Variants in TCF25 observed in about 807,000 individuals in gnomAD.
The protein encoded by TCF25 is TCF25 ribosome quality control complex subunit.
Under a neutral mutation model 83.1 loss-of-function variants are expected in TCF25, and 41 were observed. The observed-to-expected ratio is 0.49, with a 90% CI of 0.38 to 0.64. The LOEUF is 0.64. Ranked by LOEUF, TCF25 falls within the 30% of genes least tolerant of loss-of-function variation. The pLI is 0.00. For missense variants in TCF25, 979 were observed against 914.5 expected (o/e 1.07, Z -0.91); for synonymous variants, 458 against 365.0 (o/e 1.25, Z -2.90).
intron 17 of TCF25, 28 bp from the exon 18 acceptor site, chr16:89,911,052 C>T: frequency 1.9e-6 from 3 of 1,608,560 alleles, no homozygotes; most frequent in African/African-American, 1.3e-5. Context: ...CAGACAGCCC[C>T]CTTCTCAGAC....
chr16:89,878,673 C>T (rs369519602), intron 1 of TCF25: 62 of 1,063,432 alleles, frequency 5.8e-5, no homozygotes, highest in South Asian at 2.3e-4. Context: ...CGGAGTCTTG[C>T]GCTGTCGCCC....
Position 89,883,599 on chromosome 16 carries a change from T to G in TCF25, c.354+87T>G, listed in dbSNP as rs2143999652. On this transcript the variant is annotated intron_variant, in intron 2 of 17. Coordinates refer to ENST00000263346, the MANE Select transcript of TCF25 (RefSeq NM_014972.3). ...GTGTATCCTGTGCTGTGATTTTCCT[T>G]GGAGGTGTAATTTTCCGAGTTCCAT... The G allele has an allele frequency of 2.1e-6, 3 of 1,434,346 alleles. No homozygotes were observed. In the East Asian group the frequency reaches 7.6e-5, roughly 36 times the overall value. The allele number at this position is 1,434,346 out of a possible 1,614,324, so 88.9% of individuals were successfully genotyped here.
rs756671068 is a variant in TCF25, at chr16:89,907,309, G to T, written c.1786G>T (p.Val596Phe). The T allele has an allele frequency of 6.4e-7, 1 of 1,572,688 alleles. No individual in the cohort carries two copies. The highest frequency in any genetic ancestry group is 8.6e-7 in the Non-Finnish European group (1 of 1,157,142). The part of the protein sequence containing the change: ...LPPSDTIYSY[V>F]RPERLSPISH... ...TCCTTCGGACACAATCTACTCCTAC[G>T]TCAGGCCAGAGAGGTACCTCCCTCC... is the stretch of plus-strand genomic sequence containing the variant. The change falls in exon 16 of 18, where the codon GTC (valine) becomes TTC (phenylalanine). Residue 596 changes from valine (V) to phenylalanine (F), a missense_variant. Val to Phe is a conservative substitution (Grantham distance 50). Coordinates refer to ENST00000263346, the MANE Select transcript of TCF25 (RefSeq NM_014972.3).
chr16:89,890,225 T>G (rs1229817137), intron 5 of TCF25: 1 of 152,434 alleles, frequency 6.6e-6, no homozygotes, highest in African/African-American at 2.4e-5. Flanking sequence ...AAGTGTTGTT[T>G]CTGCACCATG....
chr16:89,896,272 C>T (rs1275041756), intron 9 of TCF25, among the ~76,000 whole-genome samples, 189 bp downstream of exon 9: 1 of 152,164 alleles, frequency 6.6e-6, no homozygotes, highest in Non-Finnish European at 1.5e-5. Flanking sequence ...CCCAGGTTTA[C>T]CTTTGTCTGT....
intron 13 of TCF25, 87 bp downstream of exon 13, chr16:89,904,292 G>C: frequency 7.0e-7 from 1 of 1,422,178 alleles, no homozygotes; most frequent in Non-Finnish European, 9.7e-7. Context: ...GAGGCCCTGA[G>C]GGACCTGCTT....
At chr16:89,894,186 G>T (rs1218897070) in intron 7 of TCF25, among the ~76,000 whole-genome samples, 2 of 152,078 alleles carry the variant, frequency 1.3e-5, no homozygotes, top group Non-Finnish European at 2.9e-5. Flanking sequence ...CTGCGGCTCA[G>T]TGCAGGCGAG....
intron 4 of TCF25, among the ~76,000 whole-genome samples, chr16:89,886,488 C>T (rs1356741075): frequency 6.6e-6 from 1 of 151,292 alleles, no homozygotes; most frequent in Non-Finnish European, 1.5e-5. Context: ...ATAGGCCGGG[C>T]CCGGTGGCTC....
intron 2 of TCF25, 98 bp from the exon 3 acceptor site, chr16:89,884,484 G>T (rs1422689003): frequency 1.6e-6 from 2 of 1,251,296 alleles, no homozygotes; most frequent in Admixed American, 2.0e-5. Flanking sequence ...AGAGGTAGGG[G>T]CTGCTTAGGT....
rs750295801 is a variant in TCF25, at chr16:89,905,113, C to T, written c.1628+17C>T. On this transcript the variant is annotated intron_variant, in intron 14 of 17. Transcript: ENST00000263346. ...TGAGAACCGGTGAGCTAGGGGTTGA[C>T]ACAAGCCCTGCCACGCCCCCTCCTC... 4 of 1,567,000 alleles carry T rather than the reference C, an allele frequency of 2.6e-6. No homozygotes were observed. Among genetic ancestry groups the T allele is most frequent in the South Asian group, 1.2e-5 (1 of 84,120 alleles).
chr16:89,880,082 C>T (rs537730583), intron 1 of TCF25, among the ~76,000 whole-genome samples: 3 of 151,802 alleles, frequency 2.0e-5, no homozygotes, highest in African/African-American at 7.2e-5. Context: ...ACGTGTTGTC[C>T]ATGTACACAG....
intron 13 of TCF25, 51 bp downstream of exon 13, chr16:89,904,256 C>T: frequency 6.5e-7 from 1 of 1,542,402 alleles, no homozygotes; most frequent in Non-Finnish European, 8.8e-7. Flanking sequence ...GGTTCGGAGC[C>T]TGGGAGCCAT....
chr16:89,892,897 G>C (rs1454787797), intron 6 of TCF25, among the ~76,000 whole-genome samples: 2 of 152,220 alleles, frequency 1.3e-5, no homozygotes, highest in Non-Finnish European at 2.9e-5. Context: ...CGGCATGGCT[G>C]CTGCTGTCAG....
At chr16:89,881,304 T>G (rs2042590068) in intron 1 of TCF25, among the ~76,000 whole-genome samples, 1 of 152,142 alleles carries the variant, frequency 6.6e-6, no homozygotes, top group African/African-American at 2.4e-5. Flanking sequence ...TGGAGCTGAT[T>G]GTGTTTTCTG....
chr16:89,894,729 T>C (rs920424017), intron 7 of TCF25, among the ~76,000 whole-genome samples: 1 of 152,290 alleles, frequency 6.6e-6, no homozygotes, highest in South Asian at 2.1e-4. Context: ...ATTGGCGCAG[T>C]CTCGGCCCGG....
In TCF25 at chr16:89,883,342, T is replaced by C. The variant is rs779334543; in HGVS notation, c.193-9T>C. On this transcript the variant is annotated splice_polypyrimidine_tract_variant and intron_variant, in intron 1 of 17. Coordinates refer to ENST00000263346, the MANE Select transcript of TCF25 (RefSeq NM_014972.3). Reference sequence around the variant, plus strand: ...AACGCCCTGGCTCTTCTCCAACCTGTTTTTCCAGATAAACATTGACGATCT... The same window carrying C: ...AACGCCCTGGCTCTTCTCCAACCTGCTTTTCCAGATAAACATTGACGATCT... 2 of 1,611,610 alleles carry C rather than the reference T, an allele frequency of 1.2e-6. No individual in the cohort carries two copies. The highest frequency in any genetic ancestry group is 1.7e-5 in the Admixed American group (1 of 59,958).
intron 12 of TCF25, among the ~76,000 whole-genome samples, chr16:89,902,785 G>A (rs150084001): frequency 1.3e-5 from 2 of 151,088 alleles, no homozygotes; most frequent in East Asian, 2.0e-4. Context: ...TCCGAGGGGC[G>A]GTGAGGGGTG....
chr16:89,883,716 TC>T, intron 2 of TCF25: 2 of 599,480 alleles, frequency 3.3e-6, no homozygotes, highest in Non-Finnish European at 5.8e-6. Flanking sequence ...TTCTCCTGCA[TC>T]TCAGGAGAGT....
At chr16:89,882,033 G>A (rs1297859739) in intron 1 of TCF25, among the ~76,000 whole-genome samples, 1 of 152,274 alleles carries the variant, frequency 6.6e-6, no homozygotes, top group Non-Finnish European at 1.5e-5. Flanking sequence ...GATTACAGGG[G>A]TGCACCGCCA....
Sources: allele counts gnomAD v4.1 joint callset (sites outside exome capture counted in the v4.1 genomes callset), GRCh38; gene constraint gnomAD v4.1.1; transcripts MANE v1.5; gene names NCBI Gene and HGNC (gene_info 2026-07-23, HGNC 2026-07-21).